CCAR2: variants seen among roughly 807,000 people sequenced by gnomAD.
The protein encoded by CCAR2 is cell cycle and apoptosis regulator 2.
A neutral mutation model predicts 108.1 loss-of-function variants in CCAR2; 21 were observed. That is an observed-to-expected ratio of 0.19 (90% CI 0.14 to 0.28). CCAR2 has a LOEUF of 0.28. Ranked by LOEUF, CCAR2 falls within the 10% of genes least tolerant of loss-of-function variation. The probability of loss-of-function intolerance (pLI) is 1.00; values close to 1 mark genes in which losing one functional copy is unlikely to be tolerated. For missense variants in CCAR2, 1,126 were observed against 1,177.0 expected (o/e 0.96, Z 0.63); for synonymous variants, 577 against 472.8 (o/e 1.22, Z -2.86).
At chr8:22,621,247 G>A (rs1033726230), downstream of CCAR2, 21 of 806,598 alleles carry the variant, frequency 2.6e-5, no homozygotes, top group Middle Eastern at 3.7e-4. Context: ...GGGAGACGGC[G>A]GCCTGCCTAG....
At position 22,607,897 on chromosome 8, in the gene CCAR2, A is replaced by AT. The variant is rs1026345219; in HGVS notation, c.488-70dup. On this transcript the variant is annotated intron_variant, in intron 6 of 20. Coordinates refer to ENST00000308511, the MANE Select transcript of CCAR2 (RefSeq NM_001393997.1). ...TGCACTGTCCTCTCAAAGTGCTGGG[A>AT]TTACAGGTGTGAGCTATTGCACCCG... 1.4e-5 allele frequency: 17 copies of AT among 1,206,194 alleles called. No individual in the cohort carries two copies. The Admixed American group carries it at 2.9e-4, about 21-fold the overall frequency. 74.7% of individuals were successfully genotyped at this position (1,206,194 alleles called of 1,614,324 possible).
intron 2 of CCAR2, 45 bp downstream of exon 2, chr8:22,605,876 G>A (rs201715739): frequency 6.3e-7 from 1 of 1,582,646 alleles, no homozygotes; most frequent in Non-Finnish European, 8.7e-7. Flanking sequence ...GGAAGTATGT[G>A]CTCTGGAGTT....
At chr8:22,611,798 T>A (rs1801293191) in intron 7 of CCAR2, among the ~76,000 whole-genome samples, 1 of 152,224 alleles carries the variant, frequency 6.6e-6, no homozygotes, top group Non-Finnish European at 1.5e-5. Context: ...TTTATGCTGC[T>A]TCATATTTTT....
At chr8:22,610,634 A>C (rs1801236720) in intron 7 of CCAR2, among the ~76,000 whole-genome samples, 1 of 152,244 alleles carries the variant, frequency 6.6e-6, no homozygotes, top group African/African-American at 2.4e-5. Flanking sequence ...CTAGAGAAGA[A>C]GGCCACTTTT....
chr8:22,617,323 C>T, intron 14 of CCAR2, 97 bp from the exon 15 acceptor site: 1 of 1,405,830 alleles, frequency 7.1e-7, no homozygotes, highest in Non-Finnish European at 9.6e-7. Context: ...CATACAGTGC[C>T]TGGGGCATAG....
At chr8:22,618,229 T>A in intron 16 of CCAR2, 120 bp from the exon 17 acceptor site, 1 of 1,351,798 alleles carries the variant, frequency 7.4e-7, no homozygotes, top group Non-Finnish European at 1.0e-6. Context: ...CAGCTGGGAC[T>A]TCAGGCATGC....
chr8:22,620,999 T>G (rs1367777326), downstream of CCAR2: 2 of 156,122 alleles, frequency 1.3e-5, no homozygotes, highest in Non-Finnish European at 1.4e-5. Context: ...AAAAAAGAGG[T>G]TTTGAAGTGA....
At position 22,613,262 on chromosome 8, in the gene CCAR2, A is replaced by G. The variant is rs532272329; in HGVS notation, c.704+126A>G. 5.9e-5 allele frequency: 62 copies of G among 1,058,198 alleles called. No individual in the cohort carries two copies. The South Asian group carries it at 1.2e-3, about 20-fold the overall frequency. 65.6% of individuals were successfully genotyped at this position (1,058,198 alleles called of 1,614,324 possible). A position where few individuals can be genotyped will look rare whatever the true frequency, so the allele number is the denominator to read the frequency against. Reference sequence around the variant, plus strand: ...CCTTTTCTTACAAAACGAAAAGCACATGGAAACCTGTTGTACATACTGTTT... The same window carrying G: ...CCTTTTCTTACAAAACGAAAAGCACGTGGAAACCTGTTGTACATACTGTTT... On this transcript the variant is annotated intron_variant, in intron 8 of 20. Transcript: ENST00000308511.
At chr8:22,616,393 T>C in intron 14 of CCAR2, 145 bp downstream of exon 14, 3 of 717,592 alleles carry the variant, frequency 4.2e-6, no homozygotes, top group Non-Finnish European at 4.7e-6. Flanking sequence ...AGCTAGTAAG[T>C]AGCACACCTA....
chr8:22,613,907 T>A, intron 8 of CCAR2, 185 bp from the exon 9 acceptor site: 1 of 593,834 alleles, frequency 1.7e-6, no homozygotes, highest in African/African-American at 1.9e-5. Flanking sequence ...TTTCCCAGTT[T>A]GACTTTTGCC....
At chr8:22,616,320 C>G (rs970834415) in intron 14 of CCAR2, 72 bp downstream of exon 14, 2 of 1,423,210 alleles carry the variant, frequency 1.4e-6, no homozygotes, top group Non-Finnish European at 9.8e-7. Flanking sequence ...GGCTCTGTTC[C>G]GAGCGCTTCC....
Position 22,619,817 on chromosome 8 carries a change from C to T in CCAR2, c.*135C>T. On this transcript the variant is annotated 3_prime_UTR_variant, in exon 21 of 21. Transcript: ENST00000308511. The stretch of plus-strand genomic sequence containing the variant: ...GGGTGGCTGACCCCATGCTCAGCCT[C>T]TAGGGGACGGCAGGCCATCAGGCTG... 1.1e-6 allele frequency: 1 copy of T among 909,808 alleles called. No homozygotes were observed. The highest frequency in any genetic ancestry group is 1.5e-5 in the South Asian group (1 of 67,132). 56.4% of individuals were successfully genotyped at this position (909,808 alleles called of 1,614,324 possible). A position where few individuals can be genotyped will look rare whatever the true frequency, so the allele number is the denominator to read the frequency against.
At position 22,618,355 on chromosome 8, in the gene CCAR2, G is replaced by T; in HGVS notation, c.2080G>T (p.Glu694Ter). 1 of 1,614,190 alleles carries T rather than the reference G, an allele frequency of 6.2e-7. No individual in the cohort carries two copies. The highest frequency in any genetic ancestry group is 8.5e-7 in the Non-Finnish European group (1 of 1,180,038). ...EFSSLQDMPKELDPSAVLPLD... is the reference protein window; with the variant it reads ...EFSSLQDMPK ...ATCTTTGTTTTCTTTGCAGCCCAAGGAGCTGGATCCCTCTGCTGTGCTCCC... is the reference window on the plus strand; with the variant it reads ...ATCTTTGTTTTCTTTGCAGCCCAAGTAGCTGGATCCCTCTGCTGTGCTCCC... The change falls in exon 17 of 21, where the codon GAG becomes TAG. Residue 694 changes from glutamate (E) to a stop codon, truncating the protein, a stop_gained. Transcript: ENST00000308511. LOFTEE classifies it high-confidence loss of function.
At position 22,608,171 on chromosome 8, in the gene CCAR2, C is replaced by T; in HGVS notation, c.584+106C>T. On this transcript the variant is annotated intron_variant, in intron 7 of 20. Transcript: ENST00000308511. ...CCAGGAAGTGAACCCAGGTCAACTGCTTGGAAGGTGGCTATGCTTACCACT... is the reference window on the plus strand; with the variant it reads ...CCAGGAAGTGAACCCAGGTCAACTGTTTGGAAGGTGGCTATGCTTACCACT... The T allele has an allele frequency of 4.7e-6, 4 of 850,700 alleles. No homozygotes were observed. The South Asian group carries it at 5.1e-5, about 11-fold the overall frequency. The allele number at this position is 850,700 out of a possible 1,614,324, so 52.7% of individuals were successfully genotyped here. A position where few individuals can be genotyped will look rare whatever the true frequency, so the allele number is the denominator to read the frequency against.
In CCAR2 at chr8:22,618,159, T is replaced by C. The variant is rs148946343; in HGVS notation, c.2074-190T>C. 4,435 of 682,678 alleles carry C rather than the reference T, an allele frequency of 6.5e-3. 30 individuals carry two copies. Among genetic ancestry groups the C allele is most frequent in the South Asian group, 8.2e-3 (468 of 56,894 alleles). 42.3% of individuals were successfully genotyped at this position (682,678 alleles called of 1,614,324 possible). The stretch of plus-strand genomic sequence containing the variant: ...CAGTGGTTATTCACAGGCATGAATA[T>C]AGTGCACTGCAGCCTCGAACTCCTG... On this transcript the variant is annotated intron_variant, in intron 16 of 20. Coordinates refer to ENST00000308511, the MANE Select transcript of CCAR2 (RefSeq NM_001393997.1).
chr8:22,615,057 G>C (rs933484186), intron 11 of CCAR2, 56 bp downstream of exon 11: 3 of 1,485,136 alleles, frequency 2.0e-6, no homozygotes, highest in Non-Finnish European at 1.8e-6. Context: ...GGGAGGTTTT[G>C]TTGGGAAGGC....
intron 6 of CCAR2, 142 bp downstream of exon 6, chr8:22,607,467 G>GT (rs34256757): frequency 0.2 from 80,354 of 401,656 alleles, 5,229 homozygotes; most frequent in African/African-American, 0.23. Flanking sequence ...GGTGTTTAGG[G>GT]TTTTTTTTTT....
Position 22,619,436 on chromosome 8 carries a change from C to T in CCAR2, c.2727+81C>T, listed in dbSNP as rs970658665. On this transcript the variant is annotated intron_variant, in intron 20 of 20. Transcript: ENST00000308511. The stretch of plus-strand genomic sequence containing the variant: ...TCCCCAGAAGGGCGCTTGCCCGTGT[C>T]GGGAGTGACCAGAGGGCCAGCAGGC... 15 of 1,494,106 alleles carry T rather than the reference C, an allele frequency of 1.0e-5. No homozygotes were observed. The East Asian group carries it at 1.7e-4, about 17-fold the overall frequency. The allele number at this position is 1,494,106 out of a possible 1,614,324, so 92.6% of individuals were successfully genotyped here.
chr8:22,620,412 T>C lies in CCAR2; in HGVS notation c.*730T>C, dbSNP rs1346393751. On this transcript the variant is annotated 3_prime_UTR_variant, in exon 21 of 21. Coordinates refer to ENST00000308511, the MANE Select transcript of CCAR2 (RefSeq NM_001393997.1). ...TTTCAGTTTGACTTTGTATATAAAG[T>C]TGGGGTTTTTTTTTTTTTTTTTTGG... The C allele has an allele frequency of 7.6e-6, 1 of 131,250 alleles. No homozygotes were observed. Among genetic ancestry groups the C allele is most frequent in the East Asian group, 2.1e-4 (1 of 4,830 alleles). The allele number at this position is 131,250 out of a possible 1,614,324, so 8.1% of individuals were successfully genotyped here.
Sources: allele counts gnomAD v4.1 joint callset (sites outside exome capture counted in the v4.1 genomes callset), GRCh38; gene constraint gnomAD v4.1.1; transcripts MANE v1.5; gene names NCBI Gene and HGNC (gene_info 2026-07-23, HGNC 2026-07-21).